POLA1: variants seen among roughly 807,000 people sequenced by gnomAD.
POLA1 encodes DNA polymerase alpha 1, catalytic subunit, also known as DNA polymerase alpha catalytic subunit.
In POLA1, 15 loss-of-function variants were observed where a neutral mutation model predicts 124.0. That is an observed-to-expected ratio of 0.12 (90% CI 0.08 to 0.19). POLA1 has a LOEUF of 0.19. POLA1 is among the 10% of genes least tolerant of loss of function. POLA1 has a pLI of 1.00. For synonymous variants in POLA1, 408 were observed against 389.4 expected, an observed-to-expected ratio of 1.05 and a Z score of -0.56; for missense variants, 886 against 1,103.4, an observed-to-expected ratio of 0.80 and a Z score of 2.79.
At chrX:24,734,921 T>C (rs886513617) in intron 17 of POLA1, among the ~76,000 whole-genome samples, 2 of 112,257 alleles carry the variant, frequency 1.8e-5, no homozygotes, top group African/African-American at 3.2e-5. Context: ...CAGCCACTTA[T>C]AATTCTTAAA....
chrX:24,755,464 G>T (rs745467373), intron 26 of POLA1, among the ~76,000 whole-genome samples: 2 of 111,215 alleles, frequency 1.8e-5, no homozygotes, highest in Non-Finnish European at 3.8e-5. Context: ...TAGTTAAGTT[G>T]GGCATCTTTT....
chrX:24,914,279 A>G (rs1184731815), intron 35 of POLA1, among the ~76,000 whole-genome samples: 1 of 110,602 alleles, frequency 9.0e-6, no homozygotes, highest in African/African-American at 3.3e-5. Context: ...CTGTGGCCTG[A>G]TAAGATATAA....
At chrX:24,696,915 C>T (rs1161800437) in intron 1 of POLA1, among the ~76,000 whole-genome samples, 3 of 111,022 alleles carry the variant, frequency 2.7e-5, no homozygotes, top group African/African-American at 6.5e-5. Context: ...TTGGCTCATG[C>T]CTCTTCTTTT....
At chrX:24,893,654 C>G (rs1345782326) in intron 35 of POLA1, among the ~76,000 whole-genome samples, 1 of 111,881 alleles carries the variant, frequency 8.9e-6, no homozygotes, top group Non-Finnish European at 1.9e-5. Context: ...GATATGTAAC[C>G]TTTTGTGTCT....
chrX:24,922,135 G>A (rs755503581), intron 35 of POLA1, among the ~76,000 whole-genome samples: 5 of 110,766 alleles, frequency 4.5e-5, no homozygotes, highest in Non-Finnish European at 7.5e-5. Flanking sequence ...GTATAGTGGC[G>A]TGAACATAGC....
intron 36 of POLA1, among the ~76,000 whole-genome samples, chrX:24,991,934 C>T (rs2048539622): frequency 8.9e-6 from 1 of 112,039 alleles, no homozygotes; most frequent in Middle Eastern, 4.2e-3. Context: ...ACATTGATCA[C>T]TGTGTGTGCC....
chrX:24,715,261 C>G, intron 6 of POLA1, 58 bp downstream of exon 6: 3 of 741,840 alleles, frequency 4.0e-6, no homozygotes, highest in South Asian at 2.3e-5. Flanking sequence ...AAGAAACACT[C>G]TAGTAATTAT....
At chrX:24,804,766 A>G (rs370323422) in intron 26 of POLA1, among the ~76,000 whole-genome samples, 12 of 111,956 alleles carry the variant, frequency 1.1e-4, no homozygotes, top group African/African-American at 3.9e-4. Context: ...TTTAGTCTGT[A>G]ATAGCATCTA....
At chrX:24,922,472 T>A (rs1234287137) in intron 35 of POLA1, among the ~76,000 whole-genome samples, 1 of 111,832 alleles carries the variant, frequency 8.9e-6, no homozygotes, top group South Asian at 3.7e-4. Context: ...ATTTTAACTT[T>A]GTTTTTTACA....
intron 35 of POLA1, among the ~76,000 whole-genome samples, chrX:24,913,835 G>A (rs2047489253): frequency 9.1e-6 from 1 of 109,904 alleles, no homozygotes; most frequent in Non-Finnish European, 1.9e-5. Flanking sequence ...CGAGACCAAC[G>A]TGGCCAACAT....
chrX:24,879,559 A>C (rs111499376), intron 34 of POLA1, among the ~76,000 whole-genome samples: 10 of 112,161 alleles, frequency 8.9e-5, no homozygotes, highest in African/African-American at 2.9e-4. Context: ...TCCACAGTAC[A>C]TGACTGGGTT....
intron 34 of POLA1, among the ~76,000 whole-genome samples, chrX:24,886,052 G>C (rs773733712): frequency 8.9e-6 from 1 of 111,988 alleles, no homozygotes; most frequent in African/African-American, 3.2e-5. Flanking sequence ...ACACTGATTG[G>C]TTCATGATCT....
At chrX:24,855,663 A>G (rs2046635513) in intron 34 of POLA1, among the ~76,000 whole-genome samples, 1 of 111,871 alleles carries the variant, frequency 8.9e-6, no homozygotes, top group African/African-American at 3.3e-5. Flanking sequence ...CATATCTTCA[A>G]TTCATTTCGT....
At chrX:24,928,743 ATAACT>A (rs1002161674) in intron 35 of POLA1, among the ~76,000 whole-genome samples, 6 of 112,141 alleles carry the variant, frequency 5.4e-5, no homozygotes, top group African/African-American at 1.9e-4. Flanking sequence ...AACTAAACAA[ATAACT>A]TAATCGCTGT....
chrX:24,726,732 TATTTTGTC>T (rs1930561675), intron 13 of POLA1, among the ~76,000 whole-genome samples, 193 bp from the exon 14 acceptor site: 1 of 111,560 alleles, frequency 9.0e-6, no homozygotes, highest in African/African-American at 3.3e-5. Context: ...CAAGATGCAT[TATTTTGTC>T]ATTGTGAATT....
intron 36 of POLA1, among the ~76,000 whole-genome samples, chrX:24,937,007 G>T (rs752667486): frequency 2.7e-5 from 3 of 111,878 alleles, no homozygotes. Context: ...TTTAAGATGG[G>T]TAACTGTAAA....
intron 1 of POLA1, among the ~76,000 whole-genome samples, chrX:24,695,872 C>G (rs1382174147): frequency 1.8e-5 from 2 of 112,719 alleles, no homozygotes; most frequent in Non-Finnish European, 1.9e-5. Context: ...TATAAGCCTT[C>G]TGCCAGGCTC....
intron 31 of POLA1, among the ~76,000 whole-genome samples, chrX:24,822,599 C>T (rs2046107615): frequency 8.9e-6 from 1 of 112,144 alleles, no homozygotes; most frequent in African/African-American, 3.2e-5. Flanking sequence ...GGACAGGAAT[C>T]AGCACTTGAC....
rs1369830856 is a variant in POLA1 at position 24,974,894 on chromosome X, C to T, written c.4262-20911C>T. ...GCTGGTGAGGAAGGGCTTGGGGCCACTGTGCCAGTGCTGACGGAATCCTCG... is the reference window on the plus strand; with the variant it reads ...GCTGGTGAGGAAGGGCTTGGGGCCATTGTGCCAGTGCTGACGGAATCCTCG... On this transcript the variant is annotated intron_variant, in intron 36 of 36. Coordinates refer to ENST00000379068, the MANE Select transcript of POLA1 (RefSeq NM_001330360.2). Among the ~76,000 whole-genome samples the T allele has an allele frequency of 2.7e-5, 3 of 112,542 alleles. No individual in the cohort carries two copies. The Admixed American group carries it at 2.8e-4, about 11-fold the overall frequency.
Sources: gnomAD v4.1 joint callset for allele counts (sites outside exome capture counted in the v4.1 genomes callset) on GRCh38, gnomAD v4.1.1 for gene constraint, MANE v1.5 for transcripts, NCBI Gene and HGNC (gene_info 2026-07-23, HGNC 2026-07-21) for gene names.